Variants in CEP290 observed in about 807,000 individuals in gnomAD.
CEP290 encodes the protein centrosomal protein of 290 kDa.
CEP290 carries 317 observed loss-of-function variants against 344.9 expected under a neutral mutation model. That is an observed-to-expected ratio of 0.92 (90% CI 0.84 to 1.01). The LOEUF is 1.01. Among genes scored for constraint, CEP290 ranks in the 50% least tolerant of loss-of-function variants. The probability of loss-of-function intolerance (pLI) is 0.00; values close to 1 mark genes in which losing one functional copy is unlikely to be tolerated. For missense variants in CEP290, 2,754 were observed against 2,761.4 expected (o/e 1.00, Z 0.06); for synonymous variants, 932 against 895.8 (o/e 1.04, Z -0.72).
intron 41 of CEP290, among the ~76,000 whole-genome samples, chr12:88,074,050 C>A (rs1292981187): frequency 6.6e-6 from 1 of 152,024 alleles, no homozygotes; most frequent in Non-Finnish European, 1.5e-5. Context: ...CATGGTGAAA[C>A]CCCATCTTTA....
At chr12:88,112,845 C>T (rs1472637939) in intron 20 of CEP290, among the ~76,000 whole-genome samples, 1 of 152,094 alleles carries the variant, frequency 6.6e-6, no homozygotes, top group East Asian at 1.9e-4. Flanking sequence ...GAGGAAGGTA[C>T]TCTGACTGAC....
rs141928749 is a variant in CEP290, at chr12:88,055,720, A to G, written c.6819-3T>C. ...CTTTTAACTTGGTTTCATACATTCT[A>G]AAAGTATAAGGAAAAAAAGTATAGA... On this transcript the variant is annotated splice_polypyrimidine_tract_variant and splice_region_variant and intron_variant, in intron 49 of 53. Transcript: ENST00000552810. 5 of 1,496,858 alleles carry G rather than the reference A, an allele frequency of 3.3e-6. No individual in the cohort carries two copies. In the African/African-American group the frequency reaches 5.7e-5, roughly 17 times the overall value. 92.7% of individuals were successfully genotyped at this position (1,496,858 alleles called of 1,614,324 possible). A position where few individuals can be genotyped will look rare whatever the true frequency, so the allele number is the denominator to read the frequency against.
chr12:88,122,292 C>A (rs780358252), intron 13 of CEP290, among the ~76,000 whole-genome samples: 4 of 152,120 alleles, frequency 2.6e-5, no homozygotes, highest in African/African-American at 7.2e-5. Flanking sequence ...TCCTTCAGCA[C>A]ATGCTTTTAA....
intron 48 of CEP290, 65 bp downstream of exon 48, chr12:88,059,833 A>C: frequency 2.2e-6 from 3 of 1,359,948 alleles, no homozygotes; most frequent in Non-Finnish European, 3.0e-6. Flanking sequence ...ATCTACTTCC[A>C]GTTTTTCCAA....
chr12:88,085,993 AC>A, intron 34 of CEP290, 45 bp downstream of exon 34: 1 of 1,544,772 alleles, frequency 6.5e-7, no homozygotes, highest in Non-Finnish European at 8.8e-7. Flanking sequence ...AGCCCCCCAA[AC>A]ATACCAAATA....
chr12:88,085,737 G>A (rs1341850300), intron 34 of CEP290, among the ~76,000 whole-genome samples: 2 of 151,988 alleles, frequency 1.3e-5, no homozygotes, highest in African/African-American at 4.8e-5. Context: ...AACCAAAAAA[G>A]TAAGAATAAA....
At chr12:88,083,994 T>C (rs1375422071) in intron 35 of CEP290, 40 bp from the exon 36 acceptor site, 2 of 1,234,842 alleles carry the variant, frequency 1.6e-6, no homozygotes, top group Non-Finnish European at 1.1e-6. Context: ...TAAATTGTGA[T>C]TAAAACAAAT....
intron 12 of CEP290, among the ~76,000 whole-genome samples, chr12:88,125,917 T>C (rs1386138657): frequency 6.6e-6 from 1 of 152,082 alleles, no homozygotes; most frequent in African/African-American, 2.4e-5. Flanking sequence ...ACAGTCAAAT[T>C]ATAACCATGC....
Position 88,060,018 on chromosome 12 carries a change from A to G in CEP290, c.6525T>C (p.Ala2175=), listed in dbSNP as rs2034343634. Residue 2175 remains alanine, a splice_region_variant and synonymous_variant, in exon 48 of 54, where the codon GCT becomes GCC. Transcript: ENST00000552810. The part of the protein sequence containing the change: ...NIEQENEKLK[A]ELEKLKAHLG... ...GATGAGCTTTAAGTTTTTCTAATTC[A>G]GCCTAGTAAAAAAACAAACAAAATA... 5 of 1,542,070 alleles carry G rather than the reference A, an allele frequency of 3.2e-6. No homozygotes were observed. Among genetic ancestry groups the G allele is most frequent in the South Asian group, 1.3e-5 (1 of 79,416 alleles).
chr12:88,084,273 A>T (rs1194961833), intron 35 of CEP290, among the ~76,000 whole-genome samples: 1 of 151,990 alleles, frequency 6.6e-6, no homozygotes. Context: ...TCTACTGATT[A>T]CCGGTGTGAT....
At chr12:88,131,140 C>G in intron 7 of CEP290, 25 bp downstream of exon 7, 7 of 1,480,648 alleles carry the variant, frequency 4.7e-6, no homozygotes, top group Non-Finnish European at 6.3e-6. Flanking sequence ...TTTGTTGAAC[C>G]ACCACAACTA....
At chr12:88,087,710 A>G in intron 32 of CEP290, 70 bp downstream of exon 32, 4 of 498,314 alleles carry the variant, frequency 8.0e-6, no homozygotes, top group Non-Finnish European at 1.2e-5. Flanking sequence ...ACAGAGTGAG[A>G]CTCCATCTCA....
In CEP290 at chr12:88,121,927, A is replaced by T. The variant is rs1245826933; in HGVS notation, c.1190-761T>A. 9.9e-5 allele frequency among the ~76,000 whole-genome samples: 15 copies of T among 152,152 alleles called. No individual in the cohort carries two copies. The East Asian group carries it at 2.7e-3, about 27-fold the overall frequency. ...GCTAAATTTAATCCAAACTAAGCTAAAAACTTCCTAAATGCCTACTTGTAA... is the reference window on the plus strand; with the variant it reads ...GCTAAATTTAATCCAAACTAAGCTATAAACTTCCTAAATGCCTACTTGTAA... On this transcript the variant is annotated intron_variant, in intron 13 of 53. Transcript: ENST00000552810.
chr12:88,115,954 C>G (rs1350964903), intron 18 of CEP290: 5 of 984,498 alleles, frequency 5.1e-6, no homozygotes, highest in Non-Finnish European at 6.0e-6. Flanking sequence ...AAATTGATAT[C>G]AGCATACTTT....
intron 46 of CEP290, among the ~76,000 whole-genome samples, chr12:88,061,262 A>T (rs1206428785): frequency 5.3e-5 from 8 of 152,214 alleles, no homozygotes; most frequent in Non-Finnish European, 1.0e-4. Context: ...TTGATGTCTG[A>T]TCAAAATGAT....
intron 33 of CEP290, 43 bp downstream of exon 33, chr12:88,086,348 T>C: frequency 6.6e-7 from 1 of 1,511,484 alleles, no homozygotes; most frequent in South Asian, 1.2e-5. Flanking sequence ...GTTAACACTC[T>C]AGACTATGCT....
chr12:88,114,139 C>T (rs945052793), intron 20 of CEP290, among the ~76,000 whole-genome samples: 1 of 151,954 alleles, frequency 6.6e-6, no homozygotes, highest in African/African-American at 2.4e-5. Flanking sequence ...GCTCCAAAGT[C>T]GGTGTAAAAA....
At position 88,120,184 on chromosome 12, in the gene CEP290, CT is replaced by C. The variant is rs386834149; in HGVS notation, c.1451del (p.Lys484ArgfsTer8). 4 of 1,524,488 alleles carry C rather than the reference CT, an allele frequency of 2.6e-6. No individual in the cohort carries two copies. Among genetic ancestry groups the C allele is most frequent in the Admixed American group, 2.1e-5 (1 of 47,590 alleles). 94.4% of individuals were successfully genotyped at this position (1,524,488 alleles called of 1,614,324 possible). On this transcript the variant is annotated frameshift_variant, in exon 15 of 54. Transcript: ENST00000552810. LOFTEE classifies it high-confidence loss of function. ...TCTTCAATTCAAGTTTATTGATTTC[CT>C]TTGTTAATATTTCAATCTCTCGATC... ...IRDREIEILTKEINKLELKIS... is the reference protein window; with the variant it reads ...IRDREIEILTXEINKLELKIS...
intron 26 of CEP290, among the ~76,000 whole-genome samples, chr12:88,099,234 A>G (rs1409502144): frequency 6.6e-6 from 1 of 152,198 alleles, no homozygotes; most frequent in East Asian, 1.9e-4. Context: ...TGACTACAGA[A>G]TAACTCTAAA....
Sources: allele counts gnomAD v4.1 joint callset (sites outside exome capture counted in the v4.1 genomes callset), GRCh38; gene constraint gnomAD v4.1.1; transcripts MANE v1.5; gene names NCBI Gene and HGNC (gene_info 2026-07-23, HGNC 2026-07-21).